The following PKP1 variants were observed in gnomAD, a reference collection of about 807,000 sequenced individuals.
PKP1 encodes the protein plakophilin 1, also known as plakophilin-1.
In PKP1, 27 loss-of-function variants were observed where a neutral mutation model predicts 76.4. The ratio of observed to expected loss-of-function variants is 0.35; its 90% CI spans 0.26 to 0.49. PKP1 has a LOEUF of 0.49. Among genes scored for constraint, PKP1 ranks in the 20% least tolerant of loss-of-function variants. PKP1 has a pLI of 0.99. For synonymous variants in PKP1, 404 were observed against 384.2 expected (o/e 1.05, Z -0.60); for missense variants, 964 against 955.2 (o/e 1.01, Z -0.12).
intron 6 of PKP1, among the ~76,000 whole-genome samples, chr1:201,319,360 G>T (rs1199994516): frequency 6.6e-6 from 1 of 152,160 alleles, no homozygotes; most frequent in African/African-American, 2.4e-5. Flanking sequence ...GTGGAGGGGC[G>T]GCTGGTACAG....
chr1:201,283,583 T>C lies in PKP1; in HGVS notation c.-120T>C, dbSNP rs1206964648. The C allele has an allele frequency of 4.5e-6, 4 of 892,504 alleles. No individual in the cohort carries two copies. Among genetic ancestry groups the C allele is most frequent in the Non-Finnish European group, 7.2e-6 (4 of 557,882 alleles). The allele number at this position is 892,504 out of a possible 1,614,324, so 55.3% of individuals were successfully genotyped here. ...GCCCTCACGCGGACCACGCACTCTA[T>C]GGCCGTAGGGAGCCGCTGAGAGCGA... On this transcript the variant is annotated 5_prime_UTR_variant, in exon 1 of 14. It removes an upstream start codon present in the reference 5' UTR. Coordinates refer to ENST00000367324, the MANE Select transcript of PKP1 (RefSeq NM_001005337.3).
Position 201,325,763 on chromosome 1 carries a change from C to T in PKP1, c.2031C>T (p.Pro677=). Residue 677 remains proline (P), a synonymous_variant, in exon 12 of 14, where the codon CCC becomes CCT. Transcript: ENST00000367324. ...IINLCRSSAS[P]KAAEAARLLL... ...CTTCTCACCTGCCCAGTGCCTCACCCAAGGCCGCAGAAGCTGCCCGGCTTC... is the reference window on the plus strand; with the variant it reads ...CTTCTCACCTGCCCAGTGCCTCACCTAAGGCCGCAGAAGCTGCCCGGCTTC... 1 of 1,613,890 alleles carries T rather than the reference C, an allele frequency of 6.2e-7. No homozygotes were observed. The highest frequency in any genetic ancestry group is 8.5e-7 in the Non-Finnish European group (1 of 1,179,794).
chr1:201,326,057 G>T (rs548512537), intron 12 of PKP1, among the ~76,000 whole-genome samples: 1 of 152,172 alleles, frequency 6.6e-6, no homozygotes, highest in Non-Finnish European at 1.5e-5. Context: ...AACATGGAGG[G>T]CAGAGGAAAT....
chr1:201,315,954 A>G (rs1347309473), intron 3 of PKP1, among the ~76,000 whole-genome samples: 1 of 152,202 alleles, frequency 6.6e-6, no homozygotes, highest in African/African-American at 2.4e-5. Context: ...CAAGATCAGG[A>G]AATTGGTGGC....
chr1:201,311,163 C>T (rs1656539857), intron 2 of PKP1, among the ~76,000 whole-genome samples: 1 of 152,228 alleles, frequency 6.6e-6, no homozygotes, highest in Non-Finnish European at 1.5e-5. Context: ...CTTCCCCCTC[C>T]ATGTTGTCAT....
chr1:201,316,121 TGGACGGACGGAC>T (rs770492787), intron 3 of PKP1: 3 of 136,102 alleles, frequency 2.2e-5, no homozygotes, highest in Non-Finnish European at 3.2e-5. Context: ...GATGGACGGA[TGGACGGACGGAC>T]GGACGGATGG....
At chr1:201,284,673 G>T (rs1655676342) in intron 1 of PKP1, among the ~76,000 whole-genome samples, 2 of 152,170 alleles carry the variant, frequency 1.3e-5, no homozygotes, top group Non-Finnish European at 2.9e-5. Flanking sequence ...TTTCTTTCCC[G>T]AATAGCCAAT....
rs1655642159 is a variant in PKP1, at chr1:201,283,748, C to T, written c.46C>T (p.Gln16Ter). The T allele has an allele frequency of 6.2e-7, 1 of 1,614,042 alleles. No homozygotes were observed. The highest frequency in any genetic ancestry group is 8.5e-7 in the Non-Finnish European group (1 of 1,179,990). Residue 16 changes from glutamine to a stop codon, truncating the protein, a stop_gained, in exon 1 of 14, where the codon CAG (glutamine) becomes TAG (stop). Transcript: ENST00000367324. LOFTEE classifies it high-confidence loss of function. ...GACCGCCTTGGCGTACGAATGCTTC[C>T]AGGACCAGGACAACTCCACGTTGGC... ...LKTALAYECFQDQDNSTLALP... is the reference protein window; with the variant it reads ...LKTALAYECF
chr1:201,301,354 C>A (rs1656223812), intron 2 of PKP1, among the ~76,000 whole-genome samples: 1 of 150,694 alleles, frequency 6.6e-6, no homozygotes, highest in Non-Finnish European at 1.5e-5. Context: ...CAGGAAGGAA[C>A]TCCACTCTCC....
At chr1:201,316,262 T>G (rs1656744648) in intron 3 of PKP1, 1 of 385,272 alleles carries the variant, frequency 2.6e-6, no homozygotes, top group Non-Finnish European at 4.7e-6. Context: ...CCTCAGGGAA[T>G]AGGGAGGAGT....
At chr1:201,325,878 T>G (rs760916390) in intron 12 of PKP1, 40 bp downstream of exon 12, 2 of 1,503,276 alleles carry the variant, frequency 1.3e-6, no homozygotes, top group Non-Finnish European at 9.3e-7. Context: ...AGGTTCTTCC[T>G]GCTCATGAGC....
chr1:201,294,637 T>C (rs1341135656), intron 2 of PKP1, among the ~76,000 whole-genome samples: 4 of 152,200 alleles, frequency 2.6e-5, no homozygotes, highest in African/African-American at 9.7e-5. Flanking sequence ...ACAAAGAACT[T>C]CTGGGGTCAT....
At position 201,328,799 on chromosome 1, in the gene PKP1, G is replaced by A. The variant is rs1020364365; in HGVS notation, c.2144G>A (p.Gly715Glu). 8.1e-6 allele frequency: 13 copies of A among 1,614,014 alleles called. No homozygotes were observed. The highest frequency in any genetic ancestry group is 1.1e-5 in the Non-Finnish European group (13 of 1,180,024). The change falls in exon 13 of 14, where the codon GGG (glycine) becomes GAG (glutamate). Residue 715 changes from glycine to glutamate, a missense_variant. Transcript: ENST00000367324. ...FDRNMLGTLA[G>E]ANSLRNFTSR... is the part of the protein sequence containing the mutation. ...AGGAACATGCTGGGAACCTTAGCTG[G>A]GGCCAACAGCCTCAGGAACTTCACC...
chr1:201,321,574 G>GAA (rs796457162), intron 7 of PKP1, among the ~76,000 whole-genome samples: 1 of 145,212 alleles, frequency 6.9e-6, no homozygotes, highest in African/African-American at 2.5e-5. Flanking sequence ...GTTTGTTCTG[G>GAA]AAAAAAAAAA....
chr1:201,300,450 G>C (rs1656194981), intron 2 of PKP1, among the ~76,000 whole-genome samples: 1 of 152,230 alleles, frequency 6.6e-6, no homozygotes, highest in African/African-American at 2.4e-5. Context: ...TCCTTTCTGG[G>C]CTTGCTCTCC....
intron 12 of PKP1, 167 bp from the exon 13 acceptor site, chr1:201,328,595 T>C (rs969468133): frequency 1.4e-6 from 1 of 693,896 alleles, no homozygotes; most frequent in Non-Finnish European, 2.7e-6. Context: ...TTATTATGTT[T>C]TGTTACACAG....
chr1:201,314,637 G>A (rs1202233012), intron 3 of PKP1, among the ~76,000 whole-genome samples: 1 of 152,240 alleles, frequency 6.6e-6, no homozygotes, highest in African/African-American at 2.4e-5. Context: ...TAGACGCAGA[G>A]GTGTCGTGAG....
rs371224887 is a variant in PKP1, at chr1:201,320,294, C to T, written c.1260C>T (p.Arg420=). ...ACCTGAGCTCGGCCGATGCAGGCCG[C>T]CAGACCATGCGTAACTACTCAGGGC... The part of the protein sequence containing the change: ...LRNLSSADAG[R]QTMRNYSGLI... Residue 420 remains arginine, a synonymous_variant, in exon 7 of 14, where the codon CGC becomes CGT. Coordinates refer to ENST00000367324, the MANE Select transcript of PKP1 (RefSeq NM_001005337.3). The T allele has an allele frequency of 7.7e-5, 125 of 1,613,946 alleles. 1 individual carries two copies. In the East Asian group the frequency reaches 1.7e-3, roughly 22 times the overall value.
chr1:201,297,289 C>G (rs1203636175), intron 2 of PKP1, among the ~76,000 whole-genome samples: 1 of 152,154 alleles, frequency 6.6e-6, no homozygotes, highest in Non-Finnish European at 1.5e-5. Flanking sequence ...CTGGCCACCC[C>G]AGCCTCCTCC....
Sources: gnomAD v4.1 joint callset for allele counts (sites outside exome capture counted in the v4.1 genomes callset) on GRCh38, gnomAD v4.1.1 for gene constraint, MANE v1.5 for transcripts, NCBI Gene and HGNC (gene_info 2026-07-23, HGNC 2026-07-21) for gene names.